ACACA: variants seen among roughly 807,000 people sequenced by gnomAD.
ACACA encodes the protein acetyl-CoA carboxylase 1.
ACACA carries 103 observed loss-of-function variants against 296.1 expected under a neutral mutation model. The observed-to-expected ratio is 0.35, with a 90% confidence interval of 0.30 to 0.41. The LOEUF (loss-of-function observed/expected upper bound fraction) is 0.41. Ranked by LOEUF, ACACA falls within the 10% of genes least tolerant of loss-of-function variation. The pLI, the probability that ACACA is intolerant of heterozygous loss-of-function variation, is 1.00. For missense variants in ACACA, 1,554 were observed against 2,989.7 expected (o/e 0.52, Z 11.20); for synonymous variants, 953 against 1,038.6 (o/e 0.92, Z 1.58).
Position 37,270,790 on chromosome 17 carries a change from T to C in ACACA, c.1080A>G (p.Lys360=). The part of the protein sequence containing the change: ...SEGGGGKGIR[K]VNNADDFPNL... ...TAGGGAAGTCATCTGCATTGTTGAC[T>C]TTTCTAATTCCCTTCCCTCCTCCTC... is the stretch of plus-strand genomic sequence containing the variant. The change falls in exon 10 of 56, where the codon AAA becomes AAG. Residue 360 remains lysine, a synonymous_variant. Transcript: ENST00000616317. The C allele has an allele frequency of 6.2e-7, 1 of 1,614,004 alleles. No homozygotes were observed. Among genetic ancestry groups the C allele is most frequent in the African/African-American group, 1.3e-5 (1 of 75,036 alleles).
chr17:37,358,136 T>C (rs2049228256), intron 1 of ACACA, among the ~76,000 whole-genome samples: 1 of 152,188 alleles, frequency 6.6e-6, no homozygotes, highest in Non-Finnish European at 1.5e-5. Context: ...AAACTATTTC[T>C]CCTGAGCAGT....
intron 18 of ACACA, among the ~76,000 whole-genome samples, chr17:37,247,370 A>ATTTT (rs1555613954): frequency 9.3e-6 from 1 of 107,634 alleles, no homozygotes; most frequent in African/African-American, 5.8e-5. Flanking sequence ...ACATTTGTGA[A>ATTTT]TTTCTTTTTT....
intron 45 of ACACA, among the ~76,000 whole-genome samples, chr17:37,131,941 C>T (rs1310841618): frequency 6.6e-6 from 1 of 152,312 alleles, no homozygotes; most frequent in East Asian, 1.9e-4. Context: ...GGTATCTGAC[C>T]ACTGAGCTCC....
chr17:37,169,892 G>C (rs2076820997), intron 41 of ACACA, among the ~76,000 whole-genome samples: 1 of 152,074 alleles, frequency 6.6e-6, no homozygotes, highest in Non-Finnish European at 1.5e-5. Context: ...TAACAAAAAG[G>C]TACCCTGTAG....
rs541765014 is a variant in ACACA at position 37,175,097 on chromosome 17, T to A, written c.5079+4163A>T. 3.1e-4 allele frequency among the ~76,000 whole-genome samples: 47 copies of A among 152,338 alleles called. No homozygotes were observed. The South Asian group carries it at 3.3e-3, about 11-fold the overall frequency. ...ATTTCTACTAGCACTAAAGTTACTATGGTAGTTGACTCTCTAACATATCTT... is the reference window on the plus strand; with the variant it reads ...ATTTCTACTAGCACTAAAGTTACTAAGGTAGTTGACTCTCTAACATATCTT... On this transcript the variant is annotated intron_variant, in intron 41 of 55. Transcript: ENST00000616317.
chr17:37,381,268 C>T (rs913960979), intron 1 of ACACA, among the ~76,000 whole-genome samples: 1 of 152,030 alleles, frequency 6.6e-6, no homozygotes, highest in African/African-American at 2.4e-5. Context: ...TCACTGCAAC[C>T]TCCTCCTCCC....
chr17:37,276,965 T>C lies in ACACA; in HGVS notation c.802+68A>G, dbSNP rs1467421396. ...ACATGTTAAACAGAAAATCAGACTATAGAGTAAAATGTGGGCAAAATTGAC... is the reference window on the plus strand; with the variant it reads ...ACATGTTAAACAGAAAATCAGACTACAGAGTAAAATGTGGGCAAAATTGAC... On this transcript the variant is annotated intron_variant, in intron 7 of 55. Transcript: ENST00000616317. The C allele has an allele frequency of 9.8e-6, 13 of 1,332,398 alleles. No individual in the cohort carries two copies. In the African/African-American group the frequency reaches 1.2e-4, roughly 12 times the overall value. 82.5% of individuals were successfully genotyped at this position (1,332,398 alleles called of 1,614,324 possible). A position where few individuals can be genotyped will look rare whatever the true frequency, so the allele number is the denominator to read the frequency against.
At chr17:37,404,555 A>G (rs2051399708) in intron 1 of ACACA, among the ~76,000 whole-genome samples, 1 of 146,484 alleles carries the variant, frequency 6.8e-6, no homozygotes, top group East Asian at 2.0e-4. Flanking sequence ...CATTCTCCAC[A>G]CAGCTGCCAC....
At chr17:37,193,654 A>AG (rs900355802) in intron 35 of ACACA, among the ~76,000 whole-genome samples, 2 of 152,152 alleles carry the variant, frequency 1.3e-5, no homozygotes, top group Non-Finnish European at 2.9e-5. Flanking sequence ...ACCCTCTCCC[A>AG]GGGGAAAAAA....
At chr17:37,405,347 C>A (rs1247013817) in intron 1 of ACACA, among the ~76,000 whole-genome samples, 1 of 152,186 alleles carries the variant, frequency 6.6e-6, no homozygotes, top group Non-Finnish European at 1.5e-5. Context: ...CTCCATGAGG[C>A]AGAGACTTTG....
chr17:37,128,023 T>TAA (rs2074890198), intron 47 of ACACA, among the ~76,000 whole-genome samples: 19 of 22,558 alleles, frequency 8.4e-4, no homozygotes, highest in Non-Finnish European at 9.9e-4. Context: ...AAACTCCATC[T>TAA]CAAAAAAAAA....
chr17:37,115,768 C>T (rs766405648), intron 50 of ACACA, among the ~76,000 whole-genome samples: 10 of 152,018 alleles, frequency 6.6e-5, no homozygotes, highest in African/African-American at 9.7e-5. Context: ...TGGACGTGGG[C>T]TCCTTTTTGT....
In ACACA at chr17:37,280,649, C is replaced by T. The variant is rs189262693; in HGVS notation, c.610+2618G>A. On this transcript the variant is annotated intron_variant, in intron 5 of 55. Transcript: ENST00000616317. ...TTAAGAATATAGATGAAACTAGATT[C>T]GCCATAAGTTGATAATTATTGATAT... is the stretch of plus-strand genomic sequence containing the variant. 6.9e-3 allele frequency among the ~76,000 whole-genome samples: 1,044 copies of T among 151,782 alleles called. 6 individuals carry two copies. The highest frequency in any genetic ancestry group is 9.4e-3 in the Non-Finnish European group (637 of 67,960).
chr17:37,142,261 G>A (rs970066193), intron 45 of ACACA, among the ~76,000 whole-genome samples: 2 of 152,042 alleles, frequency 1.3e-5, no homozygotes, highest in South Asian at 4.1e-4. Flanking sequence ...AGCTCTGTGT[G>A]GCGATTCCAC....
At chr17:37,168,059 G>A (rs2076750969) in intron 41 of ACACA, among the ~76,000 whole-genome samples, 1 of 152,154 alleles carries the variant, frequency 6.6e-6, no homozygotes, top group African/African-American at 2.4e-5. Flanking sequence ...AAGATAATTT[G>A]ACAGAACTGA....
chr17:37,372,367 C>T (rs983683206), intron 1 of ACACA, among the ~76,000 whole-genome samples: 8 of 149,386 alleles, frequency 5.4e-5, no homozygotes, highest in African/African-American at 1.0e-4. Flanking sequence ...GAGCCGAGAT[C>T]GCGCCACTGC....
At chr17:37,133,523 G>A (rs538692826) in intron 45 of ACACA, among the ~76,000 whole-genome samples, 17 of 152,304 alleles carry the variant, frequency 1.1e-4, no homozygotes, top group South Asian at 2.1e-4. Flanking sequence ...CAGTATCTAG[G>A]AAGACGAATG....
At chr17:37,243,054 G>GAATC (rs1212859546) in intron 22 of ACACA, among the ~76,000 whole-genome samples, 4 of 152,068 alleles carry the variant, frequency 2.6e-5, no homozygotes, top group African/African-American at 7.2e-5. Context: ...GTGAATGAAT[G>GAATC]AATCAATCAA....
chr17:37,246,053 T>C (rs760122278), intron 19 of ACACA, among the ~76,000 whole-genome samples: 1 of 152,034 alleles, frequency 6.6e-6, no homozygotes, highest in Non-Finnish European at 1.5e-5. Context: ...CACTCTTCCC[T>C]GCCCTTCTTC....
Sources: gnomAD v4.1 joint callset for allele counts (sites outside exome capture counted in the v4.1 genomes callset) on GRCh38, gnomAD v4.1.1 for gene constraint, MANE v1.5 for transcripts, NCBI Gene and HGNC (gene_info 2026-07-23, HGNC 2026-07-21) for gene names.